AGAP1: variants seen among roughly 807,000 people sequenced by gnomAD.
AGAP1 encodes the protein arf-GAP with GTPase, ANK repeat and PH domain-containing protein 1.
In AGAP1, 29 loss-of-function variants were observed where a neutral mutation model predicts 105.3. The observed-to-expected ratio is 0.28, with a 90% CI of 0.21 to 0.38. The LOEUF is 0.38. AGAP1 is among the 10% of genes least tolerant of loss of function. The probability of loss-of-function intolerance (pLI) is 1.00; values close to 1 mark genes in which losing one functional copy is unlikely to be tolerated. For synonymous variants in AGAP1, 509 were observed against 485.9 expected, an observed-to-expected ratio of 1.05 and a Z score of -0.63; for missense variants, 998 against 1,165.1, an observed-to-expected ratio of 0.86 and a Z score of 2.09.
In AGAP1 at chr2:236,130,189, C is replaced by T. The variant is rs1035341691; in HGVS notation, c.*6067C>T. 2 of 152,248 alleles carry T rather than the reference C, an allele frequency of 1.3e-5. No individual in the cohort carries two copies. The highest frequency in any genetic ancestry group is 1.5e-5 in the Non-Finnish European group (1 of 68,128). The allele number at this position is 152,248 out of a possible 1,614,324, so 9.4% of individuals were successfully genotyped here. A position where few individuals can be genotyped will look rare whatever the true frequency, so the allele number is the denominator to read the frequency against. On this transcript the variant is annotated 3_prime_UTR_variant, in exon 18 of 18. Coordinates refer to ENST00000304032, the MANE Select transcript of AGAP1 (RefSeq NM_001037131.3). This position sits in a 1 kb window ranked among gnomAD's most constrained non-coding sequence, Gnocchi z 5.8. ...CAAGCTGGGCAGCCGCTCCATGTGC[C>T]CCAAACAGGATATCCTCATGAATGT...
intron 16 of AGAP1, among the ~76,000 whole-genome samples, chr2:236,069,570 C>T (rs1322746250): frequency 6.6e-6 from 1 of 152,258 alleles, no homozygotes; most frequent in East Asian, 1.9e-4. Flanking sequence ...ATTACAGGCA[C>T]ACGCCACCAC....
intron 6 of AGAP1, chr2:235,774,534 AG>A: frequency 3.0e-6 from 1 of 332,164 alleles, no homozygotes; most frequent in South Asian, 2.4e-5. Flanking sequence ...AATTGCTGAT[AG>A]GAAAGCGATC....
chr2:235,634,075 C>A (rs1946915258), intron 1 of AGAP1, among the ~76,000 whole-genome samples: 1 of 152,118 alleles, frequency 6.6e-6, no homozygotes, highest in African/African-American at 2.4e-5. Flanking sequence ...CTTGGGTGGG[C>A]GGGGCCCACA....
intron 1 of AGAP1, among the ~76,000 whole-genome samples, chr2:235,543,385 CAGA>C (rs1260342395): frequency 6.6e-6 from 1 of 152,182 alleles, no homozygotes; most frequent in Admixed American, 6.5e-5. Context: ...AGAGTTGAAT[CAGA>C]GCCTGGAATT....
Position 236,127,618 on chromosome 2 carries a change from G to C in AGAP1, c.*3496G>C, listed in dbSNP as rs2060023551. ...CCTCTTCTGAGATTTCACCCAGCCT[G>C]ATGAGGCCTGCATGGTTCCGGCCTC... On this transcript the variant is annotated 3_prime_UTR_variant, in exon 18 of 18. Transcript: ENST00000304032. The surrounding 1 kb of genome is among the most constrained non-coding windows in gnomAD (Gnocchi z 6.6). 6.6e-6 allele frequency: 1 copy of C among 152,268 alleles called. No individual in the cohort carries two copies. Among genetic ancestry groups the C allele is most frequent in the Non-Finnish European group, 1.5e-5 (1 of 68,068 alleles). The allele number at this position is 152,268 out of a possible 1,614,324, so 9.4% of individuals were successfully genotyped here. A position where few individuals can be genotyped will look rare whatever the true frequency, so the allele number is the denominator to read the frequency against.
intron 9 of AGAP1, among the ~76,000 whole-genome samples, chr2:235,858,307 A>G (rs1332817258): frequency 6.6e-6 from 1 of 152,246 alleles, no homozygotes; most frequent in Non-Finnish European, 1.5e-5. Flanking sequence ...GCTATAGAAC[A>G]TGAACATAAC....
At chr2:236,117,535 G>T (rs1319169086) in intron 16 of AGAP1, among the ~76,000 whole-genome samples, 1 of 152,188 alleles carries the variant, frequency 6.6e-6, no homozygotes, top group Non-Finnish European at 1.5e-5. Flanking sequence ...AATACTTGCA[G>T]TTAGCACTGT....
rs967851714 is a variant in AGAP1, at chr2:236,082,123, C to G, written c.2114+32842C>G. ...TCCTCTGGTGCCCTTTTCTTTCCCC[C>G]GATCACATTTGCTAGATGTCCATTT... On this transcript the variant is annotated intron_variant, in intron 16 of 17. Transcript: ENST00000304032. The surrounding 1 kb of genome is among the most constrained non-coding windows in gnomAD (Gnocchi z 4.2). 4.6e-5 allele frequency among the ~76,000 whole-genome samples: 7 copies of G among 152,286 alleles called. No homozygotes were observed. The South Asian group carries it at 1.2e-3, about 27-fold the overall frequency.
intron 6 of AGAP1, among the ~76,000 whole-genome samples, chr2:235,796,445 G>A (rs1957247019): frequency 6.6e-6 from 1 of 152,170 alleles, no homozygotes; most frequent in African/African-American, 2.4e-5. Context: ...TGAAGGTTAT[G>A]TGATATCAAT....
At position 235,700,505 on chromosome 2, in the gene AGAP1, T is replaced by G. The variant is rs1950196502; in HGVS notation, c.164-8674T>G. ...CTCAGGAATGCTTTTGAAGAAACTG[T>G]AATGAAAATGAGGGCCGGGTGTGTT... On this transcript the variant is annotated intron_variant, in intron 1 of 17. Transcript: ENST00000304032. This position sits in a 1 kb window ranked among gnomAD's most constrained non-coding sequence, Gnocchi z 6.1. Among the ~76,000 whole-genome samples, 1 of 152,018 alleles carries G rather than the reference T, an allele frequency of 6.6e-6. No individual in the cohort carries two copies. The highest frequency in any genetic ancestry group is 6.6e-5 in the Admixed American group (1 of 15,230).
At position 235,621,071 on chromosome 2, in the gene AGAP1, G is replaced by A. The variant is rs925948306; in HGVS notation, c.164-88108G>A. Among the ~76,000 whole-genome samples the A allele has an allele frequency of 1.3e-5, 2 of 152,080 alleles. No homozygotes were observed. Among genetic ancestry groups the A allele is most frequent in the African/African-American group, 2.4e-5 (1 of 41,404 alleles). On this transcript the variant is annotated intron_variant, in intron 1 of 17. Transcript: ENST00000304032. The surrounding 1 kb of genome is among the most constrained non-coding windows in gnomAD (Gnocchi z 4.1). ...AGTCTCGCTCTTGTCTCCCAGGCTG[G>A]AGTACAATGGCACAATCTTGGCTCA...
rs1489047778 is a variant in AGAP1, at chr2:235,719,341, G to A, written c.310+1697G>A. Among the ~76,000 whole-genome samples, 3 of 152,232 alleles carry A rather than the reference G, an allele frequency of 2.0e-5. No homozygotes were observed. The highest frequency in any genetic ancestry group is 2.9e-5 in the Non-Finnish European group (2 of 68,016). On this transcript the variant is annotated intron_variant, in intron 3 of 17. Coordinates refer to ENST00000304032, the MANE Select transcript of AGAP1 (RefSeq NM_001037131.3). This position sits in a 1 kb window ranked among gnomAD's most constrained non-coding sequence, Gnocchi z 4.9. ...TATTTGGTCATTTTTGTGGCTTTTC[G>A]CTGTTTTCCCTTTGGGCATTCACAG...
At chr2:235,510,512 G>A (rs954379951) in intron 1 of AGAP1, among the ~76,000 whole-genome samples, 3 of 152,164 alleles carry the variant, frequency 2.0e-5, no homozygotes, top group South Asian at 2.1e-4. Flanking sequence ...GAACATTCAC[G>A]TGCAAGTCTT....
rs891949582 is a variant in AGAP1 at position 235,517,341 on chromosome 2, C to T, written c.163+22492C>T. 2.0e-5 allele frequency among the ~76,000 whole-genome samples: 3 copies of T among 152,172 alleles called. No homozygotes were observed. The highest frequency in any genetic ancestry group is 4.8e-5 in the African/African-American group (2 of 41,452). On this transcript the variant is annotated intron_variant, in intron 1 of 17. Coordinates refer to ENST00000304032, the MANE Select transcript of AGAP1 (RefSeq NM_001037131.3). The surrounding 1 kb of genome is among the most constrained non-coding windows in gnomAD (Gnocchi z 4.1). Reference sequence around the variant, plus strand: ...GGAATTTGGGGGATACTGCGCAGTCCGTACAGCATCCCTCCCTCCCTGGTG... The same window carrying T: ...GGAATTTGGGGGATACTGCGCAGTCTGTACAGCATCCCTCCCTCCCTGGTG...
At chr2:235,742,615 A>G (rs2149670437) in intron 4 of AGAP1, among the ~76,000 whole-genome samples, 1 of 152,276 alleles carries the variant, frequency 6.6e-6, no homozygotes, top group Non-Finnish European at 1.5e-5. Context: ...AGATGCTGAT[A>G]AAAGTCAGCT....
In AGAP1 at chr2:236,123,614, T is replaced by G. The variant is rs1166842020; in HGVS notation, c.2371-305T>G. Among the ~76,000 whole-genome samples the G allele has an allele frequency of 6.6e-6, 1 of 152,224 alleles. No individual in the cohort carries two copies. Among genetic ancestry groups the G allele is most frequent in the Admixed American group, 6.5e-5 (1 of 15,288 alleles). On this transcript the variant is annotated intron_variant, in intron 17 of 17. Transcript: ENST00000304032. The surrounding 1 kb of genome is among the most constrained non-coding windows in gnomAD (Gnocchi z 4.6). ...AATTCTGAGATCAAAACAATGATTT[T>G]CTTTGTGCAATTGGAAAGTCAAAAT...
At position 235,905,803 on chromosome 2, in the gene AGAP1, GT is replaced by G. The variant is rs2125023426; in HGVS notation, c.1156-2934del. On this transcript the variant is annotated intron_variant, in intron 10 of 17. Coordinates refer to ENST00000304032, the MANE Select transcript of AGAP1 (RefSeq NM_001037131.3). The surrounding 1 kb of genome is among the most constrained non-coding windows in gnomAD (Gnocchi z 4.2). ...CGTGAGCCACCGCGCCCCGCCTGAT[GT>G]GCTTTTCATTTGTCACCCTCAACAC... 6.6e-6 allele frequency among the ~76,000 whole-genome samples: 1 copy of G among 152,308 alleles called. No homozygotes were observed. Among genetic ancestry groups the G allele is most frequent in the South Asian group, 2.1e-4 (1 of 4,826 alleles).
rs1430368399 is a variant in AGAP1, at chr2:235,601,753, G to A, written c.163+106904G>A. On this transcript the variant is annotated intron_variant, in intron 1 of 17. Transcript: ENST00000304032. This position sits in a 1 kb window ranked among gnomAD's most constrained non-coding sequence, Gnocchi z 4.4. ...ACACTTGTAATCTCAGTGCTGAGGC[G>A]GGAGGATCACTGGAGGCCAGGAGTT... Among the ~76,000 whole-genome samples the A allele has an allele frequency of 1.3e-5, 2 of 152,072 alleles. No individual in the cohort carries two copies. Among genetic ancestry groups the A allele is most frequent in the African/African-American group, 4.8e-5 (2 of 41,408 alleles).
At chr2:236,079,079 G>C (rs1290596252) in intron 16 of AGAP1, among the ~76,000 whole-genome samples, 1 of 152,136 alleles carries the variant, frequency 6.6e-6, no homozygotes, top group Admixed American at 6.5e-5. Flanking sequence ...TTAGGGCTCC[G>C]ATGCCACACC....
Sources: allele counts gnomAD v4.1 joint callset (sites outside exome capture counted in the v4.1 genomes callset), GRCh38; gene constraint gnomAD v4.1.1; non-coding constraint Gnocchi (gnomAD v3.1); transcripts MANE v1.5; gene names NCBI Gene and HGNC (gene_info 2026-07-23, HGNC 2026-07-21).